Variants in ATF7IP2 observed in about 807,000 individuals in gnomAD.
ATF7IP2 encodes the protein activating transcription factor 7 interacting protein 2, also known as activating transcription factor 7-interacting protein 2.
A neutral mutation model predicts 64.2 loss-of-function variants in ATF7IP2; 42 were observed. The observed-to-expected ratio is 0.65, with a 90% CI of 0.51 to 0.85. The LOEUF (loss-of-function observed/expected upper bound fraction) is 0.85, where lower values mean the gene tolerates loss of function less well. Among genes scored for constraint, ATF7IP2 ranks in the 40% least tolerant of loss-of-function variants. ATF7IP2 has a pLI of 0.00. For synonymous variants in ATF7IP2, 308 were observed against 272.8 expected (o/e 1.13, Z -1.27); for missense variants, 933 against 784.2 (o/e 1.19, Z -2.27).
intron 1 of ATF7IP2, among the ~76,000 whole-genome samples, chr16:10,398,755 C>T (rs1341575425): frequency 1.3e-5 from 2 of 152,012 alleles, no homozygotes; most frequent in Admixed American, 6.6e-5. Flanking sequence ...GGTGATTTTA[C>T]AGCTGGGGGG....
At chr16:10,392,568 CAG>C (rs2047348228) in intron 1 of ATF7IP2, among the ~76,000 whole-genome samples, 2 of 152,062 alleles carry the variant, frequency 1.3e-5, no homozygotes, top group Non-Finnish European at 2.9e-5. Context: ...ACCATTCACA[CAG>C]AAATTGTTCA....
At chr16:10,445,819 A>G (rs1036046628) in intron 8 of ATF7IP2, 1 of 152,212 alleles carries the variant, frequency 6.6e-6, no homozygotes, top group Non-Finnish European at 1.5e-5. Flanking sequence ...GGAGATTATT[A>G]AATACATGGG....
intron 12 of ATF7IP2, among the ~76,000 whole-genome samples, chr16:10,478,733 GA>G (rs1180955882): frequency 2.0e-5 from 3 of 152,036 alleles, no homozygotes; most frequent in Admixed American, 2.0e-4. Flanking sequence ...CAAAATGGGA[GA>G]AAATTTTCGC....
At position 10,409,478 on chromosome 16, in the gene ATF7IP2, A is replaced by G. The variant is rs558720856; in HGVS notation, c.-241-5096A>G. Among the ~76,000 whole-genome samples, 463 of 141,796 alleles carry G rather than the reference A, an allele frequency of 3.3e-3. 4 individuals carry two copies. The highest frequency in any genetic ancestry group is 0.014 in the Middle Eastern group (4 of 282). 93.0% of individuals were successfully genotyped at this position (141,796 alleles called of 152,430 possible). ...GAATTTTTATAGTTTCAGGTCTTAGATTTAAATCCTTGATCCATTTTTTTT... is the reference window on the plus strand; with the variant it reads ...GAATTTTTATAGTTTCAGGTCTTAGGTTTAAATCCTTGATCCATTTTTTTT... On this transcript the variant is annotated intron_variant, in intron 1 of 13. Transcript: ENST00000562102.
At chr16:10,443,411 C>G (rs199535810) in intron 8 of ATF7IP2, among the ~76,000 whole-genome samples, 1 of 152,114 alleles carries the variant, frequency 6.6e-6, no homozygotes, top group Admixed American at 6.6e-5. Flanking sequence ...TAGAAGAGAG[C>G]TACCATACAG....
At chr16:10,455,169 C>T (rs560257277) in intron 8 of ATF7IP2, among the ~76,000 whole-genome samples, 1 of 152,246 alleles carries the variant, frequency 6.6e-6, no homozygotes, top group East Asian at 1.9e-4. Context: ...AATATGTTAC[C>T]TTACATGGTG....
chr16:10,406,385 C>T (rs1042200874), intron 1 of ATF7IP2, among the ~76,000 whole-genome samples: 5 of 152,056 alleles, frequency 3.3e-5, no homozygotes, highest in Admixed American at 1.3e-4. Flanking sequence ...GGATTACAGG[C>T]GTGAACCACT....
chr16:10,429,907 C>G (rs938077090), intron 4 of ATF7IP2, among the ~76,000 whole-genome samples: 1 of 149,552 alleles, frequency 6.7e-6, no homozygotes, highest in Non-Finnish European at 1.5e-5. Flanking sequence ...AGCTGGAGTA[C>G]AGTGGCGCGA....
At chr16:10,473,135 G>T (rs983196258) in intron 10 of ATF7IP2, among the ~76,000 whole-genome samples, 1 of 152,158 alleles carries the variant, frequency 6.6e-6, no homozygotes, top group African/African-American at 2.4e-5. Context: ...CAGGAAGAGT[G>T]CTTCTCAGCC....
Position 10,457,435 on chromosome 16 carries a change from A to G in ATF7IP2, c.1258A>G (p.Lys420Glu), listed in dbSNP as rs1178907599. The G allele has an allele frequency of 4.4e-6, 7 of 1,607,732 alleles. No homozygotes were observed. The highest frequency in any genetic ancestry group is 5.9e-6 in the Non-Finnish European group (7 of 1,177,740). Reference protein sequence around the residue: ...NLESVNSPIEKSSVNYEPSNP... With the variant: ...NLESVNSPIEESSVNYEPSNP... ...TGAGTCAGTTAATAGTCCAATTGAA[A>G]AGTCTTCTGTGAATTATGAGCCTTC... The change falls in exon 9 of 14, where the codon AAG becomes GAG. Residue 420 changes from lysine to glutamate, a missense_variant. Lys to Glu is a moderately conservative substitution (Grantham distance 56, BLOSUM62 1). Coordinates refer to ENST00000562102, the MANE Select transcript of ATF7IP2 (RefSeq NM_001393719.1).
intron 1 of ATF7IP2, among the ~76,000 whole-genome samples, chr16:10,397,939 A>G (rs2047450811): frequency 6.6e-6 from 1 of 152,154 alleles, no homozygotes; most frequent in Non-Finnish European, 1.5e-5. Context: ...CACATCACTA[A>G]TATTCATGGA....
intron 3 of ATF7IP2, among the ~76,000 whole-genome samples, chr16:10,427,961 C>T (rs1439771272): frequency 6.6e-6 from 1 of 151,508 alleles, no homozygotes; most frequent in Non-Finnish European, 1.5e-5. Context: ...CAAAGAAGAA[C>T]ACGAATTATT....
chr16:10,407,943 C>T (rs991411731), intron 1 of ATF7IP2, among the ~76,000 whole-genome samples: 6 of 151,118 alleles, frequency 4.0e-5, no homozygotes, highest in Non-Finnish European at 5.9e-5. Flanking sequence ...GACGGAGTCT[C>T]GCTCTCTCAC....
chr16:10,441,341 AT>A (rs2048615514), intron 8 of ATF7IP2, among the ~76,000 whole-genome samples: 1 of 152,192 alleles, frequency 6.6e-6, no homozygotes, highest in African/African-American at 2.4e-5. Flanking sequence ...GTCTTCCACA[AT>A]GGTTGAACTA....
At chr16:10,452,915 A>G (rs545587623) in intron 8 of ATF7IP2, among the ~76,000 whole-genome samples, 28 of 152,216 alleles carry the variant, frequency 1.8e-4, no homozygotes, top group African/African-American at 6.5e-4. Flanking sequence ...AGCCTCAGCA[A>G]TGGTCAATGC....
At chr16:10,451,501 G>T (rs547391275) in intron 8 of ATF7IP2, among the ~76,000 whole-genome samples, 56 of 152,088 alleles carry the variant, frequency 3.7e-4, no homozygotes, top group African/African-American at 1.2e-3. Flanking sequence ...TTTCTTGGAG[G>T]CTGTGTTCGT....
In ATF7IP2 at chr16:10,438,210, A is replaced by T; in HGVS notation, c.1070A>T (p.His357Leu). ...GGGAAGACAGAGTGCAGAAATAAGC[A>T]TGAAGGAATAGCTGATAAACTTTTG... ...RIGKTECRNK[H>L]EGIADKLLAK... Residue 357 changes from histidine (H) to leucine (L), a missense_variant, in exon 7 of 14, where the codon CAT becomes CTT. By Grantham distance (99) the His-to-Leu change is moderately conservative (BLOSUM62 -3). Transcript: ENST00000562102. 1.9e-6 allele frequency: 3 copies of T among 1,601,136 alleles called. No homozygotes were observed. The highest frequency in any genetic ancestry group is 2.6e-6 in the Non-Finnish European group (3 of 1,175,500).
At chr16:10,413,837 G>T (rs1369879748) in intron 1 of ATF7IP2, among the ~76,000 whole-genome samples, 4 of 152,166 alleles carry the variant, frequency 2.6e-5, no homozygotes, top group Non-Finnish European at 5.9e-5. Context: ...TAATTGTTTT[G>T]TTAAGCAGGC....
At chr16:10,472,827 G>A (rs931608942) in intron 10 of ATF7IP2, among the ~76,000 whole-genome samples, 1 of 143,948 alleles carries the variant, frequency 6.9e-6, no homozygotes, top group Non-Finnish European at 1.5e-5. Context: ...CTGCACTCCA[G>A]CCTGGGCAAA....
Sources: gnomAD v4.1 joint callset for allele counts (sites outside exome capture counted in the v4.1 genomes callset) on GRCh38, gnomAD v4.1.1 for gene constraint, MANE v1.5 for transcripts, NCBI Gene and HGNC (gene_info 2026-07-23, HGNC 2026-07-21) for gene names.